Variants in CCDC13 observed in about 807,000 individuals in gnomAD.
CCDC13 encodes the protein coiled-coil domain-containing protein 13.
In CCDC13, 70 loss-of-function variants were observed where a neutral mutation model predicts 87.3. The observed-to-expected ratio is 0.80, with a 90% CI of 0.66 to 0.98. The LOEUF is 0.98. Ranked by LOEUF, CCDC13 falls within the 50% of genes least tolerant of loss-of-function variation. The pLI is 0.00. For missense variants in CCDC13, 842 were observed against 892.0 expected, an observed-to-expected ratio of 0.94 and a Z score of 0.71; for synonymous variants, 317 against 360.3, an observed-to-expected ratio of 0.88 and a Z score of 1.36.
intron 13 of CCDC13, 127 bp downstream of exon 13, chr3:42,730,340 G>T: frequency 7.4e-7 from 1 of 1,342,642 alleles, no homozygotes; most frequent in Non-Finnish European, 1.0e-6. Flanking sequence ...GTTGTGGCTA[G>T]GAATGCCCTG....
chr3:42,738,639 T>C (rs1699108915), intron 9 of CCDC13, among the ~76,000 whole-genome samples: 1 of 152,212 alleles, frequency 6.6e-6, no homozygotes, highest in African/African-American at 2.4e-5. Flanking sequence ...CCCTTTTAAG[T>C]TGGATTCCTA....
At chr3:42,744,979 G>A (rs1233072816) in intron 7 of CCDC13, 1 of 152,274 alleles carries the variant, frequency 6.6e-6, no homozygotes, top group African/African-American at 2.4e-5. Context: ...GAAGGGGTTT[G>A]CCCAAGGTCA....
chr3:42,733,431 T>C (rs755487931), intron 11 of CCDC13, 39 bp downstream of exon 11: 2 of 1,611,626 alleles, frequency 1.2e-6, no homozygotes, highest in Non-Finnish European at 1.7e-6. Flanking sequence ...GAATAATTAA[T>C]GTTCACTTTC....
At chr3:42,762,119 G>C (rs1437966623) in intron 1 of CCDC13, among the ~76,000 whole-genome samples, 1 of 152,238 alleles carries the variant, frequency 6.6e-6, no homozygotes, top group Non-Finnish European at 1.5e-5. Context: ...GTCTGGAGTG[G>C]AGACCAAGCA....
At chr3:42,712,421 T>C (rs1698333889) in intron 14 of CCDC13, among the ~76,000 whole-genome samples, 1 of 152,186 alleles carries the variant, frequency 6.6e-6, no homozygotes, top group African/African-American at 2.4e-5. Flanking sequence ...AGGATGCTGA[T>C]GCTGCTCATC....
Position 42,709,011 on chromosome 3 carries a change from G to T in CCDC13, c.2117C>A (p.Ala706Asp). ...LGQVKSVFLQALRQQKTGKQ is the reference protein window; with the variant it reads ...LGQVKSVFLQDLRQQKTGKQ ...CTTGCCTGTCTTCTGCTGCCGCAGG[G>T]CCTGCAGGAAGACACTTTTCACCTG... The change falls in exon 16 of 16, where the codon GCC (alanine) becomes GAC (aspartate). Residue 706 changes from alanine (A) to aspartate (D), a missense_variant. Coordinates refer to ENST00000310232, the MANE Select transcript of CCDC13 (RefSeq NM_144719.4). 1 of 1,613,582 alleles carries T rather than the reference G, an allele frequency of 6.2e-7. No homozygotes were observed. The highest frequency in any genetic ancestry group is 8.5e-7 in the Non-Finnish European group (1 of 1,179,722).
intron 7 of CCDC13, among the ~76,000 whole-genome samples, chr3:42,744,269 T>C (rs1192391589): frequency 6.6e-6 from 1 of 152,178 alleles, no homozygotes; most frequent in Non-Finnish European, 1.5e-5. Flanking sequence ...AATGCCCTTA[T>C]CACCCTTATA....
At chr3:42,709,544 C>A in intron 15 of CCDC13, 140 bp downstream of exon 15, 1 of 708,768 alleles carries the variant, frequency 1.4e-6, no homozygotes, top group Non-Finnish European at 2.4e-6. Flanking sequence ...AATTGCAGGC[C>A]TAGAACCCAG....
intron 13 of CCDC13, among the ~76,000 whole-genome samples, chr3:42,726,736 T>C (rs1334514054): frequency 1.3e-5 from 2 of 151,860 alleles, no homozygotes; most frequent in East Asian, 1.9e-4. Flanking sequence ...ATAAAATATA[T>C]ATTTACATAT....
At position 42,709,771 on chromosome 3, in the gene CCDC13, T is replaced by C. The variant is rs1401149923; in HGVS notation, c.1901A>G (p.Asn634Ser). 3 of 1,613,992 alleles carry C rather than the reference T, an allele frequency of 1.9e-6. No homozygotes were observed. The highest frequency in any genetic ancestry group is 1.7e-5 in the Admixed American group (1 of 59,992). Reference sequence around the variant, plus strand: ...GTCCTTCTTCTCGCTCCCGGTTGGGTTGTGCCTGTTGTTAGAGGTGGGCAG... The same window carrying C: ...GTCCTTCTTCTCGCTCCCGGTTGGGCTGTGCCTGTTGTTAGAGGTGGGCAG... ...TGLPTSNNRH[N>S]PTGSEKKDPS... The change falls in exon 15 of 16, where the codon AAC becomes AGC. Residue 634 changes from asparagine to serine, a missense_variant. By Grantham distance (46) the Asn-to-Ser change is conservative. Coordinates refer to ENST00000310232, the MANE Select transcript of CCDC13 (RefSeq NM_144719.4).
chr3:42,745,596 A>G (rs1699369681), intron 7 of CCDC13: 1 of 189,420 alleles, frequency 5.3e-6, no homozygotes, highest in East Asian at 1.3e-4. Flanking sequence ...AAAGCTTACA[A>G]TTACAACAGT....
intron 1 of CCDC13, among the ~76,000 whole-genome samples, chr3:42,771,463 A>G (rs533750184): frequency 6.6e-6 from 1 of 152,204 alleles, no homozygotes; most frequent in Non-Finnish European, 1.5e-5. Flanking sequence ...AACCTTAAGC[A>G]ATGAACACTG....
At chr3:42,752,196 A>G (rs1230100339) in intron 4 of CCDC13, among the ~76,000 whole-genome samples, 171 bp from the exon 5 acceptor site, 1 of 152,162 alleles carries the variant, frequency 6.6e-6, no homozygotes, top group Non-Finnish European at 1.5e-5. Context: ...TGGAATGGAG[A>G]GGGTTTAATT....
intron 15 of CCDC13, 48 bp from the exon 16 acceptor site, chr3:42,709,187 T>C: frequency 1.3e-6 from 2 of 1,541,318 alleles, no homozygotes; most frequent in Non-Finnish European, 1.7e-6. Flanking sequence ...TGCACACAGG[T>C]GTGCGTGGGT....
At chr3:42,716,632 A>G (rs1017363260) in intron 13 of CCDC13, among the ~76,000 whole-genome samples, 4 of 152,224 alleles carry the variant, frequency 2.6e-5, no homozygotes, top group Non-Finnish European at 5.9e-5. Context: ...TCCAAACCAC[A>G]AAGAGATATC....
At position 42,732,958 on chromosome 3, in the gene CCDC13, G is replaced by C; in HGVS notation, c.1524C>G (p.Ser508Arg). Residue 508 changes from serine (S) to arginine (R), a missense_variant, in exon 12 of 16, where the codon AGC (serine) becomes AGG (arginine). Ser to Arg is a moderately radical substitution (Grantham distance 110, BLOSUM62 -1). Transcript: ENST00000310232. Reference protein sequence around the residue: ...GRLGSSRSVTSLGHTLVESAL... With the variant: ...GRLGSSRSVTRLGHTLVESAL... ...CAGATTCCACCAGTGTGTGGCCCAGGCTGGTCACAGAGCTGTGTAAAGGCG... is the reference window on the plus strand; with the variant it reads ...CAGATTCCACCAGTGTGTGGCCCAGCCTGGTCACAGAGCTGTGTAAAGGCG... 1 of 1,552,744 alleles carries C rather than the reference G, an allele frequency of 6.4e-7. No homozygotes were observed. The highest frequency in any genetic ancestry group is 8.7e-7 in the Non-Finnish European group (1 of 1,147,474).
intron 1 of CCDC13, 32 bp from the exon 2 acceptor site, chr3:42,758,383 CA>C: frequency 6.2e-7 from 1 of 1,601,440 alleles, no homozygotes; most frequent in Non-Finnish European, 8.5e-7. Flanking sequence ...TCAGCTGAAG[CA>C]AACTCCACAC....
intron 9 of CCDC13, among the ~76,000 whole-genome samples, chr3:42,736,786 C>G (rs936703124): frequency 2.0e-5 from 3 of 152,150 alleles, no homozygotes; most frequent in African/African-American, 7.2e-5. Flanking sequence ...GATCACCCGC[C>G]CCGGGCCTGC....
chr3:42,757,774 C>T (rs865859583), intron 2 of CCDC13, among the ~76,000 whole-genome samples: 6 of 152,060 alleles, frequency 3.9e-5, no homozygotes, highest in South Asian at 2.1e-4. Context: ...TAACATTATA[C>T]AGACTATTTT....
Sources: allele counts gnomAD v4.1 joint callset (sites outside exome capture counted in the v4.1 genomes callset), GRCh38; gene constraint gnomAD v4.1.1; transcripts MANE v1.5; gene names NCBI Gene and HGNC (gene_info 2026-07-23, HGNC 2026-07-21).